Variants in MCOLN2 observed in about 807,000 individuals in gnomAD.
MCOLN2 encodes mucolipin TRP cation channel 2, also known as mucolipin-2.
MCOLN2 carries 57 observed loss-of-function variants against 67.5 expected under a neutral mutation model. That is an observed-to-expected ratio of 0.84 (90% CI 0.68 to 1.05). The LOEUF is 1.05. Among genes scored for constraint, MCOLN2 ranks in the 50% least tolerant of loss-of-function variants. The pLI, the probability that MCOLN2 is intolerant of heterozygous loss-of-function variation, is 0.00. For synonymous variants in MCOLN2, 246 were observed against 233.3 expected, an observed-to-expected ratio of 1.05 and a Z score of -0.50; for missense variants, 620 against 678.8, an observed-to-expected ratio of 0.91 and a Z score of 0.96.
At chr1:84,986,864 C>CA (rs1650534083) in intron 1 of MCOLN2, among the ~76,000 whole-genome samples, 1 of 151,928 alleles carries the variant, frequency 6.6e-6, no homozygotes, top group Non-Finnish European at 1.5e-5. Context: ...TAACCATAAT[C>CA]AAAAAATCAA....
chr1:84,983,676 CTT>C (rs569506991), intron 1 of MCOLN2, among the ~76,000 whole-genome samples: 39 of 129,832 alleles, frequency 3.0e-4, no homozygotes, highest in Admixed American at 3.9e-4. Flanking sequence ...TTTAAAATTT[CTT>C]TTTTTTTTTT....
At chr1:84,931,611 T>C (rs1387649495) in intron 11 of MCOLN2, 43 bp from the exon 12 acceptor site, 1 of 1,505,562 alleles carries the variant, frequency 6.6e-7, no homozygotes, top group Non-Finnish European at 9.2e-7. Context: ...TAGAGTATTC[T>C]AAAAAGCAGA....
chr1:84,983,462 T>C (rs1650356752), intron 1 of MCOLN2, among the ~76,000 whole-genome samples: 2 of 151,778 alleles, frequency 1.3e-5, no homozygotes, highest in South Asian at 4.2e-4. Context: ...AGAGATAGGG[T>C]CTTGCCACGT....
intron 1 of MCOLN2, among the ~76,000 whole-genome samples, chr1:84,973,485 T>C (rs1649845849): frequency 6.6e-6 from 1 of 151,958 alleles, no homozygotes; most frequent in Admixed American, 6.6e-5. Context: ...CTCAAGTAAA[T>C]AAAACAAAAC....
Position 84,925,616 on chromosome 1 carries a change from T to G in MCOLN2, c.*1069A>C, listed in dbSNP as rs1557622962. Reference sequence around the variant, plus strand: ...TGAAAATAAATTTATTTAGAGAAAATATATCATATTTCTTTTCTAGACAAA... The same window carrying G: ...TGAAAATAAATTTATTTAGAGAAAAGATATCATATTTCTTTTCTAGACAAA... On this transcript the variant is annotated 3_prime_UTR_variant, in exon 14 of 14. Coordinates refer to ENST00000370608, the MANE Select transcript of MCOLN2 (RefSeq NM_153259.4). 1 of 152,064 alleles carries G rather than the reference T, an allele frequency of 6.6e-6. No homozygotes were observed. The highest frequency in any genetic ancestry group is 1.5e-5 in the Non-Finnish European group (1 of 68,018). The allele number at this position is 152,064 out of a possible 1,614,324, so 9.4% of individuals were successfully genotyped here. A position where few individuals can be genotyped will look rare whatever the true frequency, so the allele number is the denominator to read the frequency against.
At chr1:84,988,608 G>GCACT (rs1650732325) in intron 1 of MCOLN2, among the ~76,000 whole-genome samples, 1 of 152,086 alleles carries the variant, frequency 6.6e-6, no homozygotes, top group Non-Finnish European at 1.5e-5. Context: ...CACTGTCTAT[G>GCACT]CACTGCAGCC....
chr1:84,960,967 C>T (rs569752517), intron 2 of MCOLN2, among the ~76,000 whole-genome samples: 1 of 152,316 alleles, frequency 6.6e-6, no homozygotes, highest in South Asian at 2.1e-4. Context: ...TATTATTTCT[C>T]ATTTAATTCT....
chr1:84,959,588 C>T (rs183226916), intron 2 of MCOLN2, among the ~76,000 whole-genome samples: 108 of 152,240 alleles, frequency 7.1e-4, no homozygotes, highest in African/African-American at 1.9e-3. Context: ...CTCTCACGTG[C>T]GTCCTCTCTG....
chr1:84,934,317 TCCATAAAGAGTCC>T (rs61301290), intron 11 of MCOLN2, among the ~76,000 whole-genome samples: 77,506 of 151,806 alleles, frequency 0.51, 20,238 homozygotes, highest in East Asian at 0.71. Context: ...AATGGGTATT[TCCATAAAGAGTCC>T]CCATAGGTTC....
At chr1:84,978,135 C>G (rs1407710870) in intron 1 of MCOLN2, among the ~76,000 whole-genome samples, 1 of 151,852 alleles carries the variant, frequency 6.6e-6, no homozygotes, top group Non-Finnish European at 1.5e-5. Context: ...TCCTGAATGA[C>G]CAGTGGGTCA....
At chr1:84,987,612 ATCT>A (rs1470829852) in intron 1 of MCOLN2, among the ~76,000 whole-genome samples, 28 of 130,848 alleles carry the variant, frequency 2.1e-4, no homozygotes, top group Non-Finnish European at 2.1e-4. Flanking sequence ...ATGTATATCA[ATCT>A]ATATATACAT....
chr1:84,965,169 G>A (rs1649311623), intron 2 of MCOLN2, among the ~76,000 whole-genome samples: 1 of 152,168 alleles, frequency 6.6e-6, no homozygotes, highest in Non-Finnish European at 1.5e-5. Flanking sequence ...ACACTGTTAT[G>A]ATAAAAGGAA....
intron 2 of MCOLN2, among the ~76,000 whole-genome samples, chr1:84,964,469 C>A (rs1375203955): frequency 7.0e-6 from 1 of 143,648 alleles, no homozygotes; most frequent in Admixed American, 8.0e-5. Context: ...ACCTTGTTGG[C>A]ACCAGGGACT....
intron 7 of MCOLN2, among the ~76,000 whole-genome samples, chr1:84,944,393 C>T (rs1187031959): frequency 6.6e-6 from 1 of 151,954 alleles, no homozygotes; most frequent in Non-Finnish European, 1.5e-5. Context: ...AATAGTCGGG[C>T]GTGGTGGGGT....
chr1:84,964,950 G>A (rs531267185), intron 2 of MCOLN2, among the ~76,000 whole-genome samples: 36 of 152,232 alleles, frequency 2.4e-4, no homozygotes, highest in African/African-American at 7.7e-4. Flanking sequence ...TAACAGGTCC[G>A]TGGCCCAGGG....
intron 1 of MCOLN2, among the ~76,000 whole-genome samples, chr1:84,983,676 C>CTTTT (rs569506991): frequency 1.5e-5 from 2 of 129,876 alleles, no homozygotes; most frequent in African/African-American, 2.9e-5. Context: ...TTTAAAATTT[C>CTTTT]TTTTTTTTTT....
chr1:84,952,638 A>T, intron 4 of MCOLN2, 108 bp from the exon 5 acceptor site: 1 of 707,080 alleles, frequency 1.4e-6, no homozygotes, highest in South Asian at 1.6e-5. Flanking sequence ...GTTTCAAAGT[A>T]TCTCCCTAGA....
chr1:84,989,679 A>C (rs1371140), intron 1 of MCOLN2, among the ~76,000 whole-genome samples: 23,383 of 152,074 alleles, frequency 0.15, 1,877 homozygotes, highest in East Asian at 0.26. Flanking sequence ...AAATGACTGA[A>C]AGATCTTAAC....
chr1:84,953,115 G>C (rs1648586862), intron 4 of MCOLN2, among the ~76,000 whole-genome samples: 1 of 152,174 alleles, frequency 6.6e-6, no homozygotes, highest in Non-Finnish European at 1.5e-5. Context: ...TCATTATTTT[G>C]AGCACTGTAT....
Sources: allele counts gnomAD v4.1 joint callset (sites outside exome capture counted in the v4.1 genomes callset), GRCh38; gene constraint gnomAD v4.1.1; transcripts MANE v1.5; gene names NCBI Gene and HGNC (gene_info 2026-07-23, HGNC 2026-07-21).